The following WWOX variants were observed in gnomAD, a reference collection of about 807,000 sequenced individuals.
WWOX encodes WW domain-containing oxidoreductase.
A neutral mutation model predicts 46.2 loss-of-function variants in WWOX; 69 were observed. The observed-to-expected ratio is 1.49, with a 90% CI of 1.23 to 1.82. The LOEUF (loss-of-function observed/expected upper bound fraction) is 1.82. Ranked by LOEUF, WWOX falls within the 40% of genes most tolerant of loss-of-function variation. The pLI, the probability that WWOX is intolerant of heterozygous loss-of-function variation, is 0.00. For missense variants in WWOX, 919 were observed against 542.6 expected (o/e 1.69, Z -6.89); for synonymous variants, 359 against 202.6 (o/e 1.77, Z -6.56).
In WWOX at chr16:78,914,720, A is replaced by G. The variant is rs554500642; in HGVS notation, c.1057-296888A>G. ...CGGTGAAACCCCGTCTCTACTAAAA[A>G]TACAAAAAATTAACTGGGCATGCTG... On this transcript the variant is annotated intron_variant, in intron 8 of 8. Coordinates refer to ENST00000566780, the MANE Select transcript of WWOX (RefSeq NM_016373.4). 1.5e-3 allele frequency among the ~76,000 whole-genome samples: 225 copies of G among 150,716 alleles called. 1 individual carries two copies. The highest frequency in any genetic ancestry group is 4.8e-3 in the African/African-American group (197 of 41,434).
At chr16:79,187,089 G>T (rs542026390) in intron 8 of WWOX, among the ~76,000 whole-genome samples, 3 of 152,288 alleles carry the variant, frequency 2.0e-5, no homozygotes, top group African/African-American at 7.2e-5. Context: ...GTTTGTTAGG[G>T]GGGTCATTAG....
chr16:79,165,214 G>C (rs2050569463), intron 8 of WWOX, among the ~76,000 whole-genome samples: 1 of 151,680 alleles, frequency 6.6e-6, no homozygotes, highest in Non-Finnish European at 1.5e-5. Context: ...TAGTTACAAT[G>C]CTAGTGACCT....
intron 8 of WWOX, among the ~76,000 whole-genome samples, chr16:78,804,434 AAG>A (rs1048661787): frequency 2.0e-5 from 3 of 152,192 alleles, no homozygotes; most frequent in African/African-American, 7.2e-5. Flanking sequence ...AAAAAAAAGA[AAG>A]AAAGAATTGA....
At chr16:78,937,120 C>G (rs997918868) in intron 8 of WWOX, among the ~76,000 whole-genome samples, 2 of 152,082 alleles carry the variant, frequency 1.3e-5, no homozygotes, top group African/African-American at 2.4e-5. Flanking sequence ...GCAATCATTC[C>G]AATTCCTAGA....
At chr16:79,149,476 C>T (rs548242385) in intron 8 of WWOX, among the ~76,000 whole-genome samples, 16 of 152,184 alleles carry the variant, frequency 1.1e-4, no homozygotes, top group African/African-American at 3.9e-4. Context: ...AGAAAACATC[C>T]GTCTCAGTTT....
chr16:78,642,574 A>G (rs915921332), intron 8 of WWOX, among the ~76,000 whole-genome samples: 4 of 152,036 alleles, frequency 2.6e-5, no homozygotes, highest in African/African-American at 7.2e-5. Flanking sequence ...CACTTGTTGG[A>G]TGAGATTTCC....
At chr16:79,176,620 G>T (rs1026799065) in intron 8 of WWOX, among the ~76,000 whole-genome samples, 1 of 152,138 alleles carries the variant, frequency 6.6e-6, no homozygotes, top group East Asian at 1.9e-4. Context: ...TGATGTCTGT[G>T]TGTCTTCATG....
At chr16:79,041,461 T>A (rs1390165954) in intron 8 of WWOX, among the ~76,000 whole-genome samples, 2 of 152,212 alleles carry the variant, frequency 1.3e-5, no homozygotes, top group Admixed American at 1.3e-4. Context: ...CCCTGTGGGT[T>A]CCAGTTTCTC....
chr16:78,720,233 T>G (rs954335306), intron 8 of WWOX, among the ~76,000 whole-genome samples: 5 of 151,800 alleles, frequency 3.3e-5, no homozygotes, highest in Non-Finnish European at 5.9e-5. Context: ...GTGATTCGTC[T>G]GATAGACTTG....
chr16:78,828,279 G>T (rs1387500721), intron 8 of WWOX, among the ~76,000 whole-genome samples: 1 of 152,200 alleles, frequency 6.6e-6, no homozygotes, highest in Non-Finnish European at 1.5e-5. Flanking sequence ...AGAGAGAAGA[G>T]CCTTCGATGG....
chr16:78,937,346 C>T (rs1174446691), intron 8 of WWOX, among the ~76,000 whole-genome samples: 3 of 151,250 alleles, frequency 2.0e-5, no homozygotes, highest in South Asian at 4.1e-4. Context: ...TCAGATTATG[C>T]ATTAACAAAG....
intron 8 of WWOX, among the ~76,000 whole-genome samples, chr16:78,887,469 ACACACAC>A (rs1371444332): frequency 1.1e-3 from 1 of 886 alleles, no homozygotes; most frequent in African/African-American, 1.3e-3. Context: ...AGTATATAAA[ACACACAC>A]ACACACACAC....
intron 8 of WWOX, among the ~76,000 whole-genome samples, chr16:79,040,956 G>T (rs932218417): frequency 6.6e-6 from 1 of 152,066 alleles, no homozygotes; most frequent in African/African-American, 2.4e-5. Flanking sequence ...TTTGGGCTGT[G>T]GGGGGACAAT....
rs544286472 is a variant in WWOX, at chr16:78,562,234, C to T, written c.1056+129482C>T. Among the ~76,000 whole-genome samples the T allele has an allele frequency of 2.8e-3, 420 of 152,270 alleles. 5 individuals are homozygous for T. Among genetic ancestry groups the T allele is most frequent in the African/African-American group, 8.9e-3 (370 of 41,542 alleles). Reference sequence around the variant, plus strand: ...ACAGGAGAAGGAAATAAGAGCCTCGCGAGGTTTGGGAATGCTGCCTCTAGC... The same window carrying T: ...ACAGGAGAAGGAAATAAGAGCCTCGTGAGGTTTGGGAATGCTGCCTCTAGC... On this transcript the variant is annotated intron_variant, in intron 8 of 8. Transcript: ENST00000566780.
At chr16:78,395,354 A>G (rs972648871) in intron 6 of WWOX, among the ~76,000 whole-genome samples, 1 of 152,146 alleles carries the variant, frequency 6.6e-6, no homozygotes. Flanking sequence ...CCTTGTCTCT[A>G]CAAAAATTAC....
chr16:79,075,668 T>G (rs2150573275), intron 8 of WWOX, among the ~76,000 whole-genome samples: 1 of 152,212 alleles, frequency 6.6e-6, no homozygotes, highest in East Asian at 1.9e-4. Flanking sequence ...TTCTCCTGCC[T>G]TAGCCTCCTG....
intron 6 of WWOX, among the ~76,000 whole-genome samples, chr16:78,411,822 T>C (rs1018182986): frequency 2.0e-5 from 3 of 152,134 alleles, no homozygotes; most frequent in Admixed American, 6.5e-5. Context: ...AGGTTGGTGA[T>C]CCTAGCAGCT....
At chr16:78,770,425 G>T (rs1470348663) in intron 8 of WWOX, among the ~76,000 whole-genome samples, 1 of 152,164 alleles carries the variant, frequency 6.6e-6, no homozygotes, top group East Asian at 1.9e-4. Context: ...TGGGGGATGG[G>T]GCAGTACACC....
At chr16:78,353,767 C>A (rs1460748115) in intron 5 of WWOX, among the ~76,000 whole-genome samples, 1 of 133,426 alleles carries the variant, frequency 7.5e-6, no homozygotes, top group South Asian at 2.3e-4. Flanking sequence ...TGCTCAGAGC[C>A]ACATCACCTG....
Sources: gnomAD v4.1 joint callset for allele counts (sites outside exome capture counted in the v4.1 genomes callset) on GRCh38, gnomAD v4.1.1 for gene constraint, MANE v1.5 for transcripts, NCBI Gene and HGNC (gene_info 2026-07-23, HGNC 2026-07-21) for gene names.